Variants in ARHGAP26 observed in about 807,000 individuals in gnomAD.
ARHGAP26 encodes the protein rho GTPase-activating protein 26.
In ARHGAP26, 38 loss-of-function variants were observed where a neutral mutation model predicts 104.8. The ratio of observed to expected loss-of-function variants is 0.36; its 90% CI spans 0.28 to 0.48. The LOEUF (loss-of-function observed/expected upper bound fraction) is 0.48, where lower values mean the gene tolerates loss of function less well. Ranked by LOEUF, ARHGAP26 falls within the 20% of genes least tolerant of loss-of-function variation. The pLI is 0.99. For synonymous variants in ARHGAP26, 341 were observed against 340.0 expected (o/e 1.00, Z -0.03); for missense variants, 704 against 947.9 (o/e 0.74, Z 3.38).
intron 20 of ARHGAP26, chr5:143,202,323 AAG>A (rs1463671447): frequency 6.6e-6 from 1 of 152,076 alleles, no homozygotes; most frequent in African/African-American, 2.4e-5. Flanking sequence ...AATTGCTACA[AAG>A]AGAATAAAAT....
chr5:142,898,577 C>T (rs1759825386), intron 6 of ARHGAP26, among the ~76,000 whole-genome samples: 2 of 152,242 alleles, frequency 1.3e-5, no homozygotes, highest in Non-Finnish European at 2.9e-5. Flanking sequence ...GTTCTCCAGT[C>T]TGGCCTGGAC....
chr5:143,083,584 C>T (rs773347223), intron 17 of ARHGAP26, among the ~76,000 whole-genome samples: 5 of 152,120 alleles, frequency 3.3e-5, no homozygotes, highest in Non-Finnish European at 7.4e-5. Flanking sequence ...ATGCAATCTC[C>T]GCCTCCTGGG....
Position 142,810,510 on chromosome 5 carries a change from G to A in ARHGAP26, c.154+39595G>A, listed in dbSNP as rs541349298. Among the ~76,000 whole-genome samples the A allele has an allele frequency of 7.2e-5, 11 of 152,158 alleles. No individual in the cohort carries two copies. In the South Asian group the frequency reaches 2.1e-3, roughly 29 times the overall value. On this transcript the variant is annotated intron_variant, in intron 1 of 22. Transcript: ENST00000645722. ...CCCCATCTCTTTCTTTTTTGTGTGT[G>A]TAGTCATTTATTAAGGGATTTTGAT...
chr5:142,898,975 C>T (rs1195586697), intron 6 of ARHGAP26, among the ~76,000 whole-genome samples: 1 of 152,210 alleles, frequency 6.6e-6, no homozygotes, highest in Non-Finnish European at 1.5e-5. Context: ...ACCAAGATCC[C>T]TCTGAAACCT....
chr5:142,879,462 C>T lies in ARHGAP26; in HGVS notation c.384+17C>T, dbSNP rs1222583002. ...GCTGCCAAGGTGAGAATTTTGCAAG[C>T]TTTGGTCTGGATTTTAGGGTGAGAG... is the stretch of plus-strand genomic sequence containing the variant. On this transcript the variant is annotated intron_variant, in intron 4 of 22. Transcript: ENST00000645722. 5 of 1,605,928 alleles carry T rather than the reference C, an allele frequency of 3.1e-6. No homozygotes were observed. Among genetic ancestry groups the T allele is most frequent in the African/African-American group, 1.3e-5 (1 of 74,494 alleles).
intron 11 of ARHGAP26, among the ~76,000 whole-genome samples, chr5:142,973,862 C>G (rs760821195): frequency 3.9e-5 from 6 of 152,262 alleles, no homozygotes; most frequent in Middle Eastern, 6.8e-3. Context: ...GGTGGGAGGG[C>G]GCTAGCAGAG....
At chr5:143,162,621 A>T (rs1167847187) in intron 20 of ARHGAP26, among the ~76,000 whole-genome samples, 4 of 152,124 alleles carry the variant, frequency 2.6e-5, no homozygotes, top group Non-Finnish European at 5.9e-5. Context: ...ACACCCACCA[A>T]TTGCCCTTAC....
intron 10 of ARHGAP26, among the ~76,000 whole-genome samples, chr5:142,924,793 G>A (rs1392667200): frequency 6.6e-6 from 1 of 152,226 alleles, no homozygotes; most frequent in Non-Finnish European, 1.5e-5. Context: ...GCCTTCCAGT[G>A]ATGGCACTGT....
At chr5:143,054,050 G>A (rs1785436046) in intron 14 of ARHGAP26, among the ~76,000 whole-genome samples, 1 of 152,190 alleles carries the variant, frequency 6.6e-6, no homozygotes, top group Admixed American at 6.5e-5. Context: ...AAAGAAGAGT[G>A]TGTGCTGAAC....
intron 17 of ARHGAP26, among the ~76,000 whole-genome samples, chr5:143,118,717 A>T (rs1795776781): frequency 6.6e-6 from 1 of 152,006 alleles, no homozygotes; most frequent in Admixed American, 6.6e-5. Context: ...GGGTGCAGTG[A>T]TCTATGATCA....
chr5:143,139,293 G>C (rs889779664), intron 19 of ARHGAP26, among the ~76,000 whole-genome samples: 16 of 152,194 alleles, frequency 1.1e-4, no homozygotes, highest in African/African-American at 3.9e-4. Flanking sequence ...ATAATCCTGT[G>C]AGGTAGGTTC....
At chr5:143,142,498 T>C (rs1798678797) in intron 19 of ARHGAP26, among the ~76,000 whole-genome samples, 1 of 144,830 alleles carries the variant, frequency 6.9e-6, no homozygotes, top group Non-Finnish European at 1.5e-5. Flanking sequence ...TAAGATTTTT[T>C]TAAAAAAAAA....
intron 11 of ARHGAP26, among the ~76,000 whole-genome samples, chr5:142,976,378 A>G (rs1273087808): frequency 1.3e-5 from 2 of 152,142 alleles, no homozygotes; most frequent in African/African-American, 2.4e-5. Flanking sequence ...CTTCTGAGGG[A>G]CAGGGGTTAT....
intron 12 of ARHGAP26, among the ~76,000 whole-genome samples, chr5:143,017,075 G>A (rs752123975): frequency 3.3e-4 from 51 of 152,322 alleles, no homozygotes; most frequent in Non-Finnish European, 5.9e-4. Context: ...ATTTAAGAGT[G>A]AGACACTGCT....
intron 11 of ARHGAP26, among the ~76,000 whole-genome samples, chr5:143,012,565 A>ATG (rs1779006939): frequency 1.3e-5 from 1 of 74,488 alleles, no homozygotes; most frequent in Non-Finnish European, 3.6e-5. Flanking sequence ...ATATATATAT[A>ATG]TATATATATA....
At position 143,014,071 on chromosome 5, in the gene ARHGAP26, A is replaced by G; in HGVS notation, c.1108-9A>G. The G allele has an allele frequency of 6.2e-7, 1 of 1,613,978 alleles. No individual in the cohort carries two copies. The highest frequency in any genetic ancestry group is 8.5e-7 in the Non-Finnish European group (1 of 1,179,922). The stretch of plus-strand genomic sequence containing the variant: ...TGCACATAAGTGAATTTTTATTTTT[A>G]TTTTCCAGGTCTACAACTCGAACAA... On this transcript the variant is annotated splice_polypyrimidine_tract_variant and intron_variant, in intron 11 of 22. Coordinates refer to ENST00000645722, the MANE Select transcript of ARHGAP26 (RefSeq NM_001135608.3).
At chr5:142,942,707 A>T (rs1766539983) in intron 11 of ARHGAP26, among the ~76,000 whole-genome samples, 1 of 152,216 alleles carries the variant, frequency 6.6e-6, no homozygotes, top group African/African-American at 2.4e-5. Flanking sequence ...CTCAGCCAGG[A>T]ATTATACATT....
At chr5:142,793,937 A>C (rs1760415456) in intron 1 of ARHGAP26, among the ~76,000 whole-genome samples, 1 of 152,160 alleles carries the variant, frequency 6.6e-6, no homozygotes, top group Non-Finnish European at 1.5e-5. Context: ...TCTTCTGGCC[A>C]CACCAAACGG....
At chr5:142,822,391 T>G (rs1248584627) in intron 1 of ARHGAP26, among the ~76,000 whole-genome samples, 1 of 152,208 alleles carries the variant, frequency 6.6e-6, no homozygotes, top group Non-Finnish European at 1.5e-5. Flanking sequence ...TGCTTTGATC[T>G]GGCAGCTCCT....
Sources: gnomAD v4.1 joint callset for allele counts (sites outside exome capture counted in the v4.1 genomes callset) on GRCh38, gnomAD v4.1.1 for gene constraint, MANE v1.5 for transcripts, NCBI Gene and HGNC (gene_info 2026-07-23, HGNC 2026-07-21) for gene names.